The following CACUL1 variants were observed in gnomAD, a reference collection of about 807,000 sequenced individuals.
The protein encoded by CACUL1 is CDK2 associated cullin domain 1, also known as CDK2-associated and cullin domain-containing protein 1.
In CACUL1, 13 loss-of-function variants were observed where a neutral mutation model predicts 45.2. That is an observed-to-expected ratio of 0.29 (90% CI 0.19 to 0.46). CACUL1 has a LOEUF of 0.46. CACUL1 is among the 20% of genes least tolerant of loss of function. CACUL1 has a pLI of 1.00. For synonymous variants in CACUL1, 197 were observed against 174.2 expected (o/e 1.13, Z -1.03); for missense variants, 421 against 471.4 (o/e 0.89, Z 0.99).
At chr10:118,697,682 T>A (rs568010906) in intron 5 of CACUL1, among the ~76,000 whole-genome samples, 1 of 152,348 alleles carries the variant, frequency 6.6e-6, no homozygotes, top group Admixed American at 6.5e-5. Context: ...AATGGTTTGA[T>A]CTAAAAGGCA....
At chr10:118,697,222 C>T (rs1234657511) in intron 5 of CACUL1, among the ~76,000 whole-genome samples, 1 of 152,174 alleles carries the variant, frequency 6.6e-6, no homozygotes, top group Non-Finnish European at 1.5e-5. Flanking sequence ...TTCTCACAAG[C>T]TTTATCATCT....
chr10:118,686,745 A>G, intron 7 of CACUL1, 104 bp from the exon 8 acceptor site: 1 of 818,258 alleles, frequency 1.2e-6, no homozygotes, highest in Non-Finnish European at 2.1e-6. Context: ...TTCAGTTCTA[A>G]CCAAACCTAT....
intron 3 of CACUL1, among the ~76,000 whole-genome samples, chr10:118,719,740 G>A (rs978402180): frequency 6.6e-6 from 1 of 152,082 alleles, no homozygotes; most frequent in East Asian, 1.9e-4. Context: ...GAATCCTGGA[G>A]GCGGAGGTTG....
chr10:118,684,497 T>G lies in CACUL1; in HGVS notation c.*1631A>C, dbSNP rs1334670225. 3 of 152,260 alleles carry G rather than the reference T, an allele frequency of 2.0e-5. No homozygotes were observed. The highest frequency in any genetic ancestry group is 1.3e-4 in the Admixed American group (2 of 15,282). 9.4% of individuals were successfully genotyped at this position (152,260 alleles called of 1,614,324 possible). On this transcript the variant is annotated 3_prime_UTR_variant, in exon 9 of 9. Transcript: ENST00000369151. ...CAGTGTTCATCGATGCAATCCAGGA[T>G]GCTCACAGAGTGAATTGAGTCCAAT...
chr10:118,730,457 G>A, intron 1 of CACUL1, 47 bp from the exon 2 acceptor site: 3 of 1,537,560 alleles, frequency 2.0e-6, no homozygotes, highest in Non-Finnish European at 2.6e-6. Context: ...CACATGTGGA[G>A]CAAACACAAA....
chr10:118,739,573 T>C (rs1480763137), intron 1 of CACUL1, among the ~76,000 whole-genome samples: 1 of 152,186 alleles, frequency 6.6e-6, no homozygotes, highest in Non-Finnish European at 1.5e-5. Context: ...TTTTTAGATA[T>C]GCCAAGACCT....
intron 1 of CACUL1, among the ~76,000 whole-genome samples, chr10:118,750,882 T>C (rs1401884406): frequency 2.0e-5 from 3 of 152,232 alleles, no homozygotes; most frequent in Admixed American, 2.0e-4. Context: ...TTTTATGAGG[T>C]ATATGGGATA....
chr10:118,704,081 TAAAA>T (rs199957452), intron 4 of CACUL1, among the ~76,000 whole-genome samples: 2 of 151,176 alleles, frequency 1.3e-5, no homozygotes, highest in South Asian at 4.2e-4. Context: ...GACTCCGTCT[TAAAA>T]AAAAAGAATA....
At chr10:118,726,204 C>A in intron 3 of CACUL1, 1 of 700,450 alleles carries the variant, frequency 1.4e-6, no homozygotes, top group Non-Finnish European at 2.2e-6. Flanking sequence ...ATGAAAACTG[C>A]CTTAAGGTCT....
intron 1 of CACUL1, among the ~76,000 whole-genome samples, chr10:118,741,779 C>T (rs1370468990): frequency 6.6e-6 from 1 of 152,182 alleles, no homozygotes; most frequent in South Asian, 2.1e-4. Flanking sequence ...CTTAAAACCT[C>T]CCATTACTAC....
At chr10:118,723,944 T>G (rs932642590) in intron 3 of CACUL1, among the ~76,000 whole-genome samples, 1 of 152,058 alleles carries the variant, frequency 6.6e-6, no homozygotes, top group African/African-American at 2.4e-5. Context: ...TTTTTGTATT[T>G]GTAGTAGAGA....
intron 1 of CACUL1, among the ~76,000 whole-genome samples, chr10:118,745,826 AC>A (rs962808382): frequency 3.3e-5 from 5 of 152,040 alleles, no homozygotes; most frequent in African/African-American, 1.2e-4. Context: ...TTAAAAAAAA[AC>A]CTGGAATGCC....
intron 1 of CACUL1, among the ~76,000 whole-genome samples, chr10:118,735,124 C>T (rs890471643): frequency 2.6e-5 from 4 of 152,142 alleles, no homozygotes; most frequent in African/African-American, 7.2e-5. Context: ...ATCTGTAAAG[C>T]GAATTAACTT....
Position 118,729,359 on chromosome 10 carries a change from T to C in CACUL1, c.533A>G (p.Gln178Arg), listed in dbSNP as rs1564836483. 1 of 1,612,670 alleles carries C rather than the reference T, an allele frequency of 6.2e-7. No individual in the cohort carries two copies. The highest frequency in any genetic ancestry group is 8.5e-7 in the Non-Finnish European group (1 of 1,179,858). Residue 178 changes from glutamine to arginine, a missense_variant, in exon 3 of 9, where the codon CAG becomes CGG. By Grantham distance (43) the Gln-to-Arg change is conservative. This residue lies in a region of CACUL1 where 208 missense variants were observed against 298.4 expected (regional missense o/e 0.70). Coordinates refer to ENST00000369151, the MANE Select transcript of CACUL1 (RefSeq NM_153810.5). ...CTTTTTAATCAGATCACTATACATCTGTTCCGAGTGCTGCTGGCATACACA... is the reference window on the plus strand; with the variant it reads ...CTTTTTAATCAGATCACTATACATCCGTTCCGAGTGCTGCTGGCATACACA... ...YKCVCQQHSE[Q>R]MYSDLIKKIT...
chr10:118,726,512 A>G (rs9787632), intron 3 of CACUL1: 51,107 of 338,348 alleles, frequency 0.15, 5,049 homozygotes, highest in Admixed American at 0.3. Context: ...CTGCCCTAAT[A>G]GACTTCTTAT....
In CACUL1 at chr10:118,681,645, C is replaced by T. The variant is rs891164039; in HGVS notation, c.*4483G>A. ...AGAGATGAAGATAATTTCCAACCAG[C>T]AGGGATGCAATATATAGTAGGTTCC... is the stretch of plus-strand genomic sequence containing the variant. On this transcript the variant is annotated 3_prime_UTR_variant, in exon 9 of 9. Coordinates refer to ENST00000369151, the MANE Select transcript of CACUL1 (RefSeq NM_153810.5). 3 of 152,196 alleles carry T rather than the reference C, an allele frequency of 2.0e-5. No homozygotes were observed. Among genetic ancestry groups the T allele is most frequent in the African/African-American group, 7.2e-5 (3 of 41,448 alleles). The allele number at this position is 152,196 out of a possible 1,614,324, so 9.4% of individuals were successfully genotyped here. A position where few individuals can be genotyped will look rare whatever the true frequency, so the allele number is the denominator to read the frequency against.
intron 1 of CACUL1, among the ~76,000 whole-genome samples, chr10:118,736,611 G>A (rs1447963612): frequency 6.6e-6 from 1 of 152,028 alleles, no homozygotes; most frequent in Admixed American, 6.6e-5. Flanking sequence ...CCGAAGTGCT[G>A]GGATTACACA....
chr10:118,699,665 A>G, intron 5 of CACUL1, among the ~76,000 whole-genome samples: 1 of 150,294 alleles, frequency 6.7e-6, no homozygotes. Context: ...TTTTTTTGAG[A>G]CAGGAGTCTT....
intron 1 of CACUL1, among the ~76,000 whole-genome samples, chr10:118,748,668 T>C (rs1329356583): frequency 6.6e-6 from 1 of 152,158 alleles, no homozygotes; most frequent in Non-Finnish European, 1.5e-5. Context: ...GGATTTGGGA[T>C]GCTCAATCAT....
Sources: allele counts gnomAD v4.1 joint callset (sites outside exome capture counted in the v4.1 genomes callset), GRCh38; gene constraint gnomAD v4.1.1; regional missense constraint gnomAD v4.1.1; transcripts MANE v1.5; gene names NCBI Gene and HGNC (gene_info 2026-07-23, HGNC 2026-07-21).